The following ZP3 variants were observed in gnomAD, a reference collection of about 807,000 sequenced individuals.
ZP3 encodes zona pellucida glycoprotein 3, also known as zona pellucida sperm-binding protein 3.
ZP3 carries 21 observed loss-of-function variants against 35.6 expected under a neutral mutation model. The observed-to-expected ratio is 0.59, with a 90% CI of 0.42 to 0.85. ZP3 has a LOEUF of 0.85. ZP3 is among the 40% of genes least tolerant of loss of function. The pLI, the probability that ZP3 is intolerant of heterozygous loss-of-function variation, is 0.00. For synonymous variants in ZP3, 207 were observed against 214.5 expected, an observed-to-expected ratio of 0.96 and a Z score of 0.31; for missense variants, 437 against 536.5, an observed-to-expected ratio of 0.81 and a Z score of 1.83.
At chr7:76,423,007 A>AAGAGAGAGAGAGAGAG (rs747350112), upstream of ZP3, among the ~76,000 whole-genome samples, 118 of 76,104 alleles carry the variant, frequency 1.6e-3, 6 homozygotes, top group African/African-American at 4.9e-3. Context: ...AAAAGAAAGA[A>AAGAGAGAGAGAGAGAG]AGAGAGAGAG....
At chr7:76,436,029 C>CGTTTT (rs1563703130) in intron 5 of ZP3, among the ~76,000 whole-genome samples, 2 of 128,100 alleles carry the variant, frequency 1.6e-5, no homozygotes. Context: ...CCCCCCGCCC[C>CGTTTT]CTTTTTTTTT....
rs1358999475 is a variant in ZP3 at position 76,441,915 on chromosome 7, G to A, written c.1134G>A (p.Gln378=). 3.7e-6 allele frequency: 6 copies of A among 1,603,958 alleles called. No individual in the cohort carries two copies. Among genetic ancestry groups the A allele is most frequent in the Non-Finnish European group, 5.1e-6 (6 of 1,173,128 alleles). Residue 378 remains glutamine, a synonymous_variant, in exon 8 of 8, where the codon CAG becomes CAA. Transcript: ENST00000394857. ...GGAGGGGTGACCATGAAGTAGAGCA[G>A]TGGGCTTTGCCTTCTGACACCTCAG... ...LDRRGDHEVE[Q]WALPSDTSVV...
chr7:76,429,078 T>G, intron 1 of ZP3: 1 of 212,796 alleles, frequency 4.7e-6, no homozygotes, highest in South Asian at 7.9e-5. Context: ...CTGTATGTAC[T>G]GGGGGGCATG....
chr7:76,423,025 G>GAGAAAGAAAGAAAGAA (rs200948956), upstream of ZP3, among the ~76,000 whole-genome samples: 119 of 75,796 alleles, frequency 1.6e-3, no homozygotes, highest in South Asian at 3.7e-3. Flanking sequence ...GAGAGAGAGA[G>GAGAAAGAAAGAAAGAA]AGAAAGAAAG....
intron 1 of ZP3, chr7:76,400,580 C>T: frequency 1.4e-6 from 2 of 1,475,780 alleles, no homozygotes; most frequent in Non-Finnish European, 1.8e-6. Context: ...GGGCCCCCCA[C>T]CAGCCTCAGC....
chr7:76,405,339 C>CTTTCTTTCTTTCTTT (rs1271510975), intron 1 of ZP3, among the ~76,000 whole-genome samples: 1 of 21,394 alleles, frequency 4.7e-5, no homozygotes, highest in Non-Finnish European at 8.0e-5. Flanking sequence ...TTCTTTCTTT[C>CTTTCTTTCTTTCTTT]TTTTTTTTTT....
chr7:76,440,735 C>T (rs1806173361), intron 7 of ZP3, 124 bp downstream of exon 7: 3 of 1,449,938 alleles, frequency 2.1e-6, no homozygotes, highest in Middle Eastern at 2.5e-4. Flanking sequence ...CCTAGGCCTG[C>T]AGCTACCTTT....
Position 76,407,085 on chromosome 7 carries a change from C to T in ZP3, c.-67+9288C>T, listed in dbSNP as rs564021391. ...AAGGAATTCTTCTGCCTCAGCCTCC[C>T]GAGTAGCTGGGATTACTGGCATGTG... On this transcript the variant is annotated intron_variant, in intron 1 of 8. Coordinates refer to the ZP3 transcript ENST00000336517. 6.6e-5 allele frequency among the ~76,000 whole-genome samples: 10 copies of T among 151,910 alleles called. 1 individual carries two copies. In the South Asian group the frequency reaches 1.9e-3, roughly 28 times the overall value.
intron 1 of ZP3, among the ~76,000 whole-genome samples, chr7:76,399,534 G>T (rs530512357): frequency 6.6e-6 from 1 of 151,382 alleles, no homozygotes; most frequent in African/African-American, 2.4e-5. Flanking sequence ...CCCAATAGTC[G>T]TTTTTTTCTT....
chr7:76,425,545 G>A (rs1381587977), intron 1 of ZP3, among the ~76,000 whole-genome samples: 3 of 152,132 alleles, frequency 2.0e-5, no homozygotes, highest in Non-Finnish European at 4.4e-5. Flanking sequence ...CTCTCTCTCA[G>A]GTGGGTTTGT....
chr7:76,435,132 G>C (rs1261261172), intron 5 of ZP3, among the ~76,000 whole-genome samples: 4 of 151,600 alleles, frequency 2.6e-5, no homozygotes, highest in Non-Finnish European at 5.9e-5. Flanking sequence ...AGATCACGAG[G>C]TCAGGAGATT....
In ZP3 at chr7:76,436,025, GC is replaced by G. The variant is rs376936281; in HGVS notation, c.831+1875del. Among the ~76,000 whole-genome samples the G allele has an allele frequency of 1.1e-4, 7 of 60,882 alleles. No individual in the cohort carries two copies. In the East Asian group the frequency reaches 2.2e-3, roughly 19 times the overall value. 39.9% of individuals were successfully genotyped at this position (60,882 alleles called of 152,430 possible). ...AGGCATGAACCACCACGCGCCCCCC[GC>G]CCCCTTTTTTTTTTTTTTTTTTTTT... On this transcript the variant is annotated intron_variant, in intron 5 of 7. Transcript: ENST00000394857.
intron 7 of ZP3, among the ~76,000 whole-genome samples, chr7:76,441,182 T>A (rs1033517318): frequency 1.5e-4 from 23 of 150,864 alleles, no homozygotes; most frequent in African/African-American, 4.6e-4. Context: ...AAAAAAAAAA[T>A]AATAATCTGG....
chr7:76,402,645 G>A (rs1272861875), intron 1 of ZP3, among the ~76,000 whole-genome samples: 1 of 152,010 alleles, frequency 6.6e-6, no homozygotes, highest in Non-Finnish European at 1.5e-5. Context: ...CAGCCATCAT[G>A]TATGTCCTCA....
chr7:76,402,825 G>C (rs1022965835), intron 1 of ZP3, among the ~76,000 whole-genome samples: 2 of 151,872 alleles, frequency 1.3e-5, no homozygotes, highest in African/African-American at 4.8e-5. Flanking sequence ...ATACCACCAT[G>C]CCTGGCTAAT....
chr7:76,416,935 T>C (rs1805388566), intron 1 of ZP3, among the ~76,000 whole-genome samples: 1 of 110,052 alleles, frequency 9.1e-6, no homozygotes, highest in African/African-American at 3.7e-5. Context: ...CACATACATA[T>C]GTATACATAC....
intron 1 of ZP3, among the ~76,000 whole-genome samples, chr7:76,407,187 C>T (rs903169755): frequency 2.0e-5 from 3 of 152,194 alleles, no homozygotes; most frequent in African/African-American, 7.2e-5. Flanking sequence ...TCTGGAACTC[C>T]TGACCTCAAG....
rs531052092 is a variant in ZP3, at chr7:76,419,679, C to G, written c.-66-5373C>G. 4.6e-5 allele frequency among the ~76,000 whole-genome samples: 6 copies of G among 130,292 alleles called. No individual in the cohort carries two copies. The East Asian group carries it at 1.1e-3, about 24-fold the overall frequency. 85.5% of individuals were successfully genotyped at this position (130,292 alleles called of 152,430 possible). A position where few individuals can be genotyped will look rare whatever the true frequency, so the allele number is the denominator to read the frequency against. On this transcript the variant is annotated intron_variant, in intron 1 of 8. Transcript: ENST00000336517. ...TCTCTCTTTCTTTCTTTCTTTCTTT[C>G]GTTCTCTTTCTCTCTCTCTCCCTTC...
At chr7:76,405,672 G>A (rs985703445) in intron 1 of ZP3, among the ~76,000 whole-genome samples, 1 of 152,018 alleles carries the variant, frequency 6.6e-6, no homozygotes, top group Non-Finnish European at 1.5e-5. Context: ...ATTCTGAGTG[G>A]AGACGACGGC....
Sources: gnomAD v4.1 joint callset for allele counts (sites outside exome capture counted in the v4.1 genomes callset) on GRCh38, gnomAD v4.1.1 for gene constraint, MANE v1.5 for transcripts, NCBI Gene and HGNC (gene_info 2026-07-23, HGNC 2026-07-21) for gene names.